Variants in DLGAP1 observed in about 807,000 individuals in gnomAD.
The protein encoded by DLGAP1 is disks large-associated protein 1.
Under a neutral mutation model 90.8 loss-of-function variants are expected in DLGAP1, and 11 were observed. The ratio of observed to expected loss-of-function variants is 0.12; its 90% confidence interval spans 0.08 to 0.20. DLGAP1 has a LOEUF of 0.20. Ranked by LOEUF, DLGAP1 falls within the 10% of genes least tolerant of loss-of-function variation. The probability of loss-of-function intolerance (pLI) is 1.00; values close to 1 mark genes in which losing one functional copy is unlikely to be tolerated. For missense variants in DLGAP1, 1,050 were observed against 1,333.8 expected (o/e 0.79, Z 3.31); for synonymous variants, 558 against 540.7 (o/e 1.03, Z -0.44).
intron 9 of DLGAP1, among the ~76,000 whole-genome samples, chr18:3,564,147 A>T (rs2054303468): frequency 6.6e-6 from 1 of 152,112 alleles, no homozygotes; most frequent in Non-Finnish European, 1.5e-5. Context: ...AAAAGTGGGC[A>T]TGATGTACTG....
chr18:4,227,422 T>A (rs2078214563), intron 1 of DLGAP1, among the ~76,000 whole-genome samples: 3 of 151,980 alleles, frequency 2.0e-5, no homozygotes, highest in Non-Finnish European at 2.9e-5. Context: ...AGCACATGAA[T>A]CATTCTCTAA....
chr18:3,671,382 T>C (rs990466383), intron 7 of DLGAP1, among the ~76,000 whole-genome samples: 2 of 152,190 alleles, frequency 1.3e-5, no homozygotes, highest in Non-Finnish European at 2.9e-5. Flanking sequence ...TTATTTGCTT[T>C]TGAAGTCAGA....
intron 3 of DLGAP1, among the ~76,000 whole-genome samples, chr18:3,958,161 G>A (rs1246743937): frequency 6.6e-6 from 1 of 151,878 alleles, no homozygotes; most frequent in East Asian, 1.9e-4. Context: ...TGCCCGCCTC[G>A]GCCTCTCAAA....
At chr18:4,366,904 C>A (rs1305121695) in intron 1 of DLGAP1, among the ~76,000 whole-genome samples, 1 of 141,504 alleles carries the variant, frequency 7.1e-6, no homozygotes, top group Non-Finnish European at 1.5e-5. Flanking sequence ...TACATATAGG[C>A]AAATTACAAA....
chr18:3,806,955 T>C (rs1458924262), intron 5 of DLGAP1, among the ~76,000 whole-genome samples: 1 of 152,196 alleles, frequency 6.6e-6, no homozygotes, highest in Non-Finnish European at 1.5e-5. Context: ...GGATTCATTA[T>C]TGTATTAGTC....
At chr18:4,220,832 A>G (rs996381082) in intron 1 of DLGAP1, among the ~76,000 whole-genome samples, 1 of 152,164 alleles carries the variant, frequency 6.6e-6, no homozygotes, top group Non-Finnish European at 1.5e-5. Context: ...CTTCTTACAC[A>G]GCAATGCAAT....
chr18:4,301,776 G>A (rs1403285888), intron 1 of DLGAP1, among the ~76,000 whole-genome samples: 1 of 152,102 alleles, frequency 6.6e-6, no homozygotes, highest in Non-Finnish European at 1.5e-5. Flanking sequence ...GTGTACAAGG[G>A]TTCCCTTTTC....
At chr18:3,605,285 G>C (rs1350610815) in intron 7 of DLGAP1, among the ~76,000 whole-genome samples, 5 of 152,218 alleles carry the variant, frequency 3.3e-5, no homozygotes, top group Non-Finnish European at 7.3e-5. Context: ...CCTCTTCCAA[G>C]AAGACGTCAG....
intron 1 of DLGAP1, among the ~76,000 whole-genome samples, chr18:4,325,655 AC>A (rs1313995096): frequency 1.3e-5 from 2 of 152,176 alleles, no homozygotes; most frequent in Non-Finnish European, 2.9e-5. Flanking sequence ...TGGTACTCGT[AC>A]AAAAATAGAC....
chr18:3,626,725 G>A (rs1277076722), intron 7 of DLGAP1, among the ~76,000 whole-genome samples: 1 of 151,892 alleles, frequency 6.6e-6, no homozygotes, highest in Non-Finnish European at 1.5e-5. Flanking sequence ...GCCCAACATG[G>A]AAAAATTTTG....
intron 1 of DLGAP1, among the ~76,000 whole-genome samples, chr18:4,429,500 C>T (rs867166203): frequency 6.6e-6 from 1 of 152,072 alleles, no homozygotes; most frequent in African/African-American, 2.4e-5. Flanking sequence ...ATATTGGACT[C>T]CAAATCACAA....
intron 1 of DLGAP1, among the ~76,000 whole-genome samples, chr18:4,274,889 G>A (rs2079374913): frequency 6.6e-6 from 1 of 152,094 alleles, no homozygotes; most frequent in East Asian, 1.9e-4. Flanking sequence ...GACCATGAAT[G>A]TTCTAAGAAA....
chr18:4,303,187 T>C (rs1490932526), intron 1 of DLGAP1, among the ~76,000 whole-genome samples: 1 of 152,210 alleles, frequency 6.6e-6, no homozygotes, highest in African/African-American at 2.4e-5. Flanking sequence ...CTGATATCGA[T>C]AGCTTCATTG....
At chr18:3,892,805 T>C (rs2071506200) in intron 3 of DLGAP1, among the ~76,000 whole-genome samples, 1 of 151,622 alleles carries the variant, frequency 6.6e-6, no homozygotes, top group Non-Finnish European at 1.5e-5. Flanking sequence ...AAGACAAGGT[T>C]TTTAGGACAG....
intron 1 of DLGAP1, among the ~76,000 whole-genome samples, chr18:4,381,429 A>G (rs1342652174): frequency 6.6e-6 from 1 of 152,212 alleles, no homozygotes; most frequent in African/African-American, 2.4e-5. Context: ...TGAATCTTCT[A>G]CTTACTCCAA....
intron 7 of DLGAP1, among the ~76,000 whole-genome samples, chr18:3,609,493 G>A (rs1006648056): frequency 2.6e-5 from 4 of 152,178 alleles, no homozygotes; most frequent in Admixed American, 6.5e-5. Context: ...TCTTCCACAC[G>A]CTAGAAAAGG....
intron 1 of DLGAP1, among the ~76,000 whole-genome samples, chr18:4,278,252 T>C (rs1481467701): frequency 1.3e-5 from 2 of 152,212 alleles, no homozygotes; most frequent in Non-Finnish European, 2.9e-5. Context: ...TGGTCTTTTA[T>C]TTTTAAAGGA....
At chr18:3,550,094 A>T (rs1483407353) in intron 9 of DLGAP1, among the ~76,000 whole-genome samples, 1 of 148,558 alleles carries the variant, frequency 6.7e-6, no homozygotes, top group African/African-American at 2.5e-5. Context: ...TTGTATTTTT[A>T]GTAGAGACGG....
chr18:4,076,749 G>A (rs1260858693), intron 2 of DLGAP1, among the ~76,000 whole-genome samples: 3 of 151,778 alleles, frequency 2.0e-5, no homozygotes, highest in East Asian at 3.9e-4. Context: ...TCAACCTCCC[G>A]AGTAGCTGGG....
Sources: gnomAD v4.1 joint callset for allele counts (sites outside exome capture counted in the v4.1 genomes callset) on GRCh38, gnomAD v4.1.1 for gene constraint, MANE v1.5 for transcripts, NCBI Gene and HGNC (gene_info 2026-07-23, HGNC 2026-07-21) for gene names.